The following ZSCAN10 variants were observed in gnomAD, a reference collection of about 807,000 sequenced individuals.
The protein encoded by ZSCAN10 is zinc finger and SCAN domain-containing protein 10.
ZSCAN10 carries 52 observed loss-of-function variants against 63.7 expected under a neutral mutation model. That is an observed-to-expected ratio of 0.82 (90% CI 0.65 to 1.03). The LOEUF is 1.03. ZSCAN10 is among the 50% of genes least tolerant of loss of function. ZSCAN10 has a pLI of 0.00. For synonymous variants in ZSCAN10, 544 were observed against 479.6 expected (o/e 1.13, Z -1.76); for missense variants, 1,223 against 1,103.8 (o/e 1.11, Z -1.53).
Position 3,089,677 on chromosome 16 carries a change from C to A in ZSCAN10, c.1757G>T (p.Arg586Leu). 1 of 1,600,756 alleles carries A rather than the reference C, an allele frequency of 6.2e-7. No individual in the cohort carries two copies. Among genetic ancestry groups the A allele is most frequent in the South Asian group, 1.1e-5 (1 of 89,890 alleles). ...KPYACPQCGK[R>L]FVRRASLARH... ...GGCAAGGCTGGCCCGGCGCACAAAG[C>A]GCTTCCCGCACTGCGGACAGGCGTA... is the stretch of plus-strand genomic sequence containing the variant. The change falls in exon 6 of 6, where the codon CGC (arginine) becomes CTC (leucine). Residue 586 changes from arginine (R) to leucine (L), a missense_variant. Physicochemically the swap from Arg to Leu is moderately radical, Grantham distance 102. Coordinates refer to ENST00000576985, the MANE Select transcript of ZSCAN10 (RefSeq NM_032805.3).
chr16:3,091,980 C>A lies in ZSCAN10; in HGVS notation c.664+69G>T, dbSNP rs1957083933. The A allele has an allele frequency of 2.6e-5, 41 of 1,562,258 alleles. No individual in the cohort carries two copies. The South Asian group carries it at 2.8e-4, about 11-fold the overall frequency. On this transcript the variant is annotated intron_variant, in intron 3 of 5. Transcript: ENST00000576985. ...TCACCTGGGGAGGCCCCACTTCTCACCCCACCCCAGACATCCAGGCCCCTC... is the reference window on the plus strand; with the variant it reads ...TCACCTGGGGAGGCCCCACTTCTCAACCCACCCCAGACATCCAGGCCCCTC...
chr16:3,089,057 G>A lies in ZSCAN10; in HGVS notation c.*34C>T. On this transcript the variant is annotated 3_prime_UTR_variant, in exon 6 of 6. Transcript: ENST00000576985. Reference sequence around the variant, plus strand: ...CCGCTGTGGAGGACCCCGGGTAGGTGGCGCAGGGCGCGGCTGGCGGAAGGC... The same window carrying A: ...CCGCTGTGGAGGACCCCGGGTAGGTAGCGCAGGGCGCGGCTGGCGGAAGGC... The A allele has an allele frequency of 6.8e-7, 1 of 1,460,030 alleles. No homozygotes were observed. Among genetic ancestry groups the A allele is most frequent in the Non-Finnish European group, 9.0e-7 (1 of 1,117,280 alleles). 90.4% of individuals were successfully genotyped at this position (1,460,030 alleles called of 1,614,324 possible). A position where few individuals can be genotyped will look rare whatever the true frequency, so the allele number is the denominator to read the frequency against.
intron 1 of ZSCAN10, among the ~76,000 whole-genome samples, chr16:3,096,106 G>T (rs1279684479): frequency 1.3e-5 from 2 of 152,314 alleles, no homozygotes; most frequent in East Asian, 1.9e-4. Flanking sequence ...TTCCTGGTCT[G>T]GTAGCCCAGT....
chr16:3,089,800 G>T lies in ZSCAN10; in HGVS notation c.1634C>A (p.Thr545Lys), dbSNP rs759549822. 1.3e-6 allele frequency: 2 copies of T among 1,586,264 alleles called. No homozygotes were observed. The highest frequency in any genetic ancestry group is 1.7e-6 in the Non-Finnish European group (2 of 1,173,312). Residue 545 changes from threonine to lysine, a missense_variant, in exon 6 of 6, where the codon ACG (threonine) becomes AAG (lysine). Transcript: ENST00000576985. The stretch of plus-strand genomic sequence containing the variant: ...CTGGCAGGAGAAGGGCCGCTCGCCC[G>T]TGTGCACCCTCCGGTGGGCCACCAG... ...EHLVAHRRVH[T>K]GERPFSCQAC...
rs1310805326 is a variant in ZSCAN10, at chr16:3,092,644, C to T, written c.294G>A (p.Pro98=). The T allele has an allele frequency of 9.3e-6, 15 of 1,611,830 alleles. No homozygotes were observed. The highest frequency in any genetic ancestry group is 2.2e-5 in the East Asian group (1 of 44,826). Residue 98 remains proline (P), a synonymous_variant, in exon 2 of 6, where the codon CCG becomes CCA. Coordinates refer to ENST00000576985, the MANE Select transcript of ZSCAN10 (RefSeq NM_032805.3). ...GCCCCTGCAGGCGGCCCAGGAGGTG[C>T]GGAGGCAGCACACTCAGGAACTGCT... The part of the protein sequence containing the change: ...VLEQFLSVLP[P]HLLGRLQGQP...
rs763312640 is a variant in ZSCAN10, at chr16:3,089,170, G to A, written c.2264C>T (p.Thr755Met). ...GCGGCTGAAGCTGCGGCCACACTGC[G>A]TGCAGGAGTAGGGCCTGGCGCCCGT... ...VHTGARPYSC[T>M]QCGRSFSRNS... The change falls in exon 6 of 6, where the codon ACG (threonine) becomes ATG (methionine). Residue 755 changes from threonine to methionine, a missense_variant. By Grantham distance (81) the Thr-to-Met change is moderately conservative. Transcript: ENST00000576985. 7 of 1,562,338 alleles carry A rather than the reference G, an allele frequency of 4.5e-6. No homozygotes were observed. The highest frequency in any genetic ancestry group is 5.2e-6 in the Non-Finnish European group (6 of 1,163,926).
intron 1 of ZSCAN10, among the ~76,000 whole-genome samples, chr16:3,098,971 G>A (rs952615535): frequency 1.3e-5 from 2 of 152,218 alleles, no homozygotes; most frequent in African/African-American, 4.8e-5. Context: ...CAATGTCACA[G>A]GAAGTTCTGC....
In ZSCAN10 at chr16:3,089,917, G is replaced by A. The variant is rs1415693432; in HGVS notation, c.1517C>T (p.Ser506Phe). 1 of 1,536,374 alleles carries A rather than the reference G, an allele frequency of 6.5e-7. No homozygotes were observed. The highest frequency in any genetic ancestry group is 1.2e-5 in the South Asian group (1 of 84,248). The change falls in exon 6 of 6, where the codon TCC becomes TTC. Residue 506 changes from serine to phenylalanine, a missense_variant. Ser to Phe is a radical substitution (Grantham distance 155). Transcript: ENST00000576985. ...RIHARDKDRRSSEGSGSRRRD... is the reference protein window; with the variant it reads ...RIHARDKDRRFSEGSGSRRRD... ...GCGGCGGCTGCCGGAGCCTTCGGAGGACCGGCGGTCCTTGTCCCTGGCGTG... is the reference window on the plus strand; with the variant it reads ...GCGGCGGCTGCCGGAGCCTTCGGAGAACCGGCGGTCCTTGTCCCTGGCGTG...
At chr16:3,098,059 A>AC (rs1399599776) in intron 1 of ZSCAN10, among the ~76,000 whole-genome samples, 1 of 150,138 alleles carries the variant, frequency 6.7e-6, no homozygotes, top group Non-Finnish European at 1.5e-5. Context: ...AAAAAAAAAA[A>AC]AAAGAAAGAA....
Position 3,092,948 on chromosome 16 carries a change from G to C in ZSCAN10, c.-11C>G, listed in dbSNP as rs749320410. On this transcript the variant is annotated 5_prime_UTR_variant, in exon 2 of 6. Coordinates refer to ENST00000576985, the MANE Select transcript of ZSCAN10 (RefSeq NM_032805.3). Reference sequence around the variant, plus strand: ...TGATTCTCCAAGCATCCTTCACTGCGGGGATGCCTCCCTAACGCCAGCCCC... The same window carrying C: ...TGATTCTCCAAGCATCCTTCACTGCCGGGATGCCTCCCTAACGCCAGCCCC... 6 of 1,416,180 alleles carry C rather than the reference G, an allele frequency of 4.2e-6. No individual in the cohort carries two copies. The highest frequency in any genetic ancestry group is 3.1e-5 in the South Asian group (2 of 64,794). The allele number at this position is 1,416,180 out of a possible 1,614,324, so 87.7% of individuals were successfully genotyped here. A position where few individuals can be genotyped will look rare whatever the true frequency, so the allele number is the denominator to read the frequency against.
chr16:3,091,903 A>G (rs1957082839), intron 3 of ZSCAN10, 75 bp from the exon 4 acceptor site: 2 of 1,595,598 alleles, frequency 1.3e-6, no homozygotes, highest in African/African-American at 2.7e-5. Flanking sequence ...GCAAGGACAC[A>G]CACCGCATCA....
At chr16:3,091,902 C>T (rs1957082813) in intron 3 of ZSCAN10, 74 bp from the exon 4 acceptor site, 1 of 1,595,028 alleles carries the variant, frequency 6.3e-7, no homozygotes, top group Non-Finnish European at 8.5e-7. Context: ...TGCAAGGACA[C>T]ACACCGCATC....
In ZSCAN10 at chr16:3,090,102, G is replaced by A. The variant is rs377415911; in HGVS notation, c.1332C>T (p.Arg444=). Residue 444 remains arginine, a synonymous_variant, in exon 6 of 6, where the codon CGC becomes CGT. Transcript: ENST00000576985. ...CAECGRGFQR[R]ASLVQHLLAH... ...CCAGCAGGTGCTGCACAAGGCTGGC[G>A]CGGCGCTGGAAGCCGCGGCCGCACT... 55 of 1,602,694 alleles carry A rather than the reference G, an allele frequency of 3.4e-5. No individual in the cohort carries two copies. The highest frequency in any genetic ancestry group is 4.2e-5 in the Non-Finnish European group (49 of 1,178,092).
intron 3 of ZSCAN10, 69 bp downstream of exon 3, chr16:3,091,980 C>T: frequency 5.8e-6 from 9 of 1,562,376 alleles, no homozygotes; most frequent in Non-Finnish European, 7.8e-6. Flanking sequence ...CCACTTCTCA[C>T]CCCACCCCAG....
At chr16:3,095,031 A>G (rs1435455668) in intron 1 of ZSCAN10, among the ~76,000 whole-genome samples, 6 of 152,006 alleles carry the variant, frequency 3.9e-5, no homozygotes, top group Admixed American at 6.6e-5. Flanking sequence ...TATGAGATAC[A>G]TATATGAATG....
chr16:3,095,103 C>T (rs924572878), intron 1 of ZSCAN10, among the ~76,000 whole-genome samples: 5 of 152,198 alleles, frequency 3.3e-5, no homozygotes, highest in African/African-American at 9.6e-5. Flanking sequence ...GAAAGGTTAG[C>T]GGGGCTGGCT....
rs746846844 is a variant in ZSCAN10, at chr16:3,090,512, G to T, written c.922C>A (p.Leu308Ile). The change falls in exon 6 of 6, where the codon CTC becomes ATC. Residue 308 changes from leucine (L) to isoleucine (I), a missense_variant. Physicochemically the swap from Leu to Ile is conservative, Grantham distance 5. Transcript: ENST00000576985. ...GVPGEPCAQS[L>I]GRGAAASGPG... ...CCGCTAGCCGCAGCGCCCCGTCCGA[G>T]CGACTGGGCGCAAGGCTCTCCCGGC... 32 of 1,613,050 alleles carry T rather than the reference G, an allele frequency of 2.0e-5. No individual in the cohort carries two copies. In the South Asian group the frequency reaches 3.4e-4, roughly 17 times the overall value.
chr16:3,095,684 C>G (rs958000298), intron 1 of ZSCAN10, among the ~76,000 whole-genome samples: 5 of 151,500 alleles, frequency 3.3e-5, no homozygotes, highest in African/African-American at 4.9e-5. Flanking sequence ...AAAAATCAGT[C>G]GGGCGCAGTG....
intron 1 of ZSCAN10, among the ~76,000 whole-genome samples, chr16:3,098,241 A>G (rs1042631101): frequency 3.9e-5 from 6 of 151,906 alleles, no homozygotes; most frequent in African/African-American, 9.7e-5. Flanking sequence ...GATTAAGCTC[A>G]TTTCATCCCA....
Sources: gnomAD v4.1 joint callset for allele counts (sites outside exome capture counted in the v4.1 genomes callset) on GRCh38, gnomAD v4.1.1 for gene constraint, MANE v1.5 for transcripts, NCBI Gene and HGNC (gene_info 2026-07-23, HGNC 2026-07-21) for gene names.